Variants in DCLK2 observed in about 807,000 individuals in gnomAD.
The protein encoded by DCLK2 is doublecortin like kinase 2.
Under a neutral mutation model 78.4 loss-of-function variants are expected in DCLK2, and 31 were observed. The observed-to-expected ratio is 0.40, with a 90% confidence interval of 0.30 to 0.53. The LOEUF (loss-of-function observed/expected upper bound fraction) is 0.53. DCLK2 is among the 20% of genes least tolerant of loss of function. The pLI is 0.61. For missense variants in DCLK2, 872 were observed against 973.7 expected (o/e 0.90, Z 1.39); for synonymous variants, 407 against 374.9 (o/e 1.09, Z -0.99).
intron 2 of DCLK2, among the ~76,000 whole-genome samples, chr4:150,191,903 C>T (rs563587800): frequency 9.9e-5 from 15 of 152,242 alleles, no homozygotes; most frequent in Admixed American, 4.6e-4. Context: ...AATAGTGATT[C>T]GGAAAACTTA....
chr4:150,151,469 C>T (rs1734891655), intron 2 of DCLK2, among the ~76,000 whole-genome samples: 1 of 152,190 alleles, frequency 6.6e-6, no homozygotes, highest in Non-Finnish European at 1.5e-5. Flanking sequence ...TGGCATTTCT[C>T]TGAAGATAAG....
intron 8 of DCLK2, among the ~76,000 whole-genome samples, chr4:150,227,516 A>G (rs1741708397): frequency 6.6e-6 from 1 of 152,184 alleles, no homozygotes; most frequent in Non-Finnish European, 1.5e-5. Flanking sequence ...GTAGGCAGCA[A>G]TCAAAGAGCG....
At chr4:150,193,937 A>G (rs1229416551) in intron 3 of DCLK2, among the ~76,000 whole-genome samples, 1 of 151,642 alleles carries the variant, frequency 6.6e-6, no homozygotes, top group South Asian at 2.1e-4. Flanking sequence ...TTTTTTGTAG[A>G]GACAGGGTCT....
Position 150,079,018 on chromosome 4 carries a change from A to G in DCLK2, c.-10A>G. On this transcript the variant is annotated 5_prime_UTR_variant, in exon 1 of 16. Transcript: ENST00000296550. Reference sequence around the variant, plus strand: ...AACGTCTTTTTGCGGACGCCCTCGGAGCAGCCGCGATGGCCAGCACCAGGA... The same window carrying G: ...AACGTCTTTTTGCGGACGCCCTCGGGGCAGCCGCGATGGCCAGCACCAGGA... The G allele has an allele frequency of 6.6e-7, 1 of 1,524,114 alleles. No homozygotes were observed. Among genetic ancestry groups the G allele is most frequent in the Non-Finnish European group, 8.8e-7 (1 of 1,140,524 alleles). The allele number at this position is 1,524,114 out of a possible 1,614,324, so 94.4% of individuals were successfully genotyped here.
At chr4:150,224,421 A>G (rs1741439504) in intron 7 of DCLK2, 80 bp from the exon 8 acceptor site, 4 of 1,351,196 alleles carry the variant, frequency 3.0e-6, no homozygotes, top group South Asian at 2.8e-5. Context: ...AAAAAAAATT[A>G]AAGTATAAAA....
At chr4:150,141,577 C>T (rs528265626) in intron 2 of DCLK2, among the ~76,000 whole-genome samples, 23 of 152,198 alleles carry the variant, frequency 1.5e-4, no homozygotes, top group Middle Eastern at 3.4e-3. Context: ...TCTACAAGAC[C>T]AGGGTTCTGG....
At chr4:150,111,627 C>A (rs1373396129) in intron 2 of DCLK2, among the ~76,000 whole-genome samples, 2 of 152,084 alleles carry the variant, frequency 1.3e-5, no homozygotes, top group Non-Finnish European at 2.9e-5. Context: ...AGATTTAAGT[C>A]TTTGATCCAT....
At chr4:150,127,983 C>G (rs1733036126) in intron 2 of DCLK2, among the ~76,000 whole-genome samples, 1 of 152,174 alleles carries the variant, frequency 6.6e-6, no homozygotes. Context: ...GAACTTGGCT[C>G]AGAAGGAGCT....
At position 150,256,029 on chromosome 4, in the gene DCLK2, C is replaced by G; in HGVS notation, c.2083C>G (p.Leu695Val). 3.1e-6 allele frequency: 5 copies of G among 1,612,910 alleles called. No individual in the cohort carries two copies. Among genetic ancestry groups the G allele is most frequent in the Non-Finnish European group, 4.2e-6 (5 of 1,179,848 alleles). ...GCTGTTTCCTCCTCAGAACACGGCT[C>G]TAGATAAGGAGGGGCAGATTTTCTG... ...TGVSVIMNTALDKEGQIFCSK... is the reference protein window; with the variant it reads ...TGVSVIMNTAVDKEGQIFCSK... Residue 695 changes from leucine to valine, a missense_variant, in exon 16 of 16, where the codon CTA becomes GTA. By Grantham distance (32) the Leu-to-Val change is conservative. This residue lies in a region of DCLK2 where 219 missense variants were observed against 230.1 expected (regional missense o/e 0.95). Transcript: ENST00000296550.
chr4:150,168,938 A>G (rs1245467829), intron 2 of DCLK2, among the ~76,000 whole-genome samples: 1 of 152,132 alleles, frequency 6.6e-6, no homozygotes, highest in African/African-American at 2.4e-5. Flanking sequence ...CTGGAGATGC[A>G]GTGTTTAATA....
intron 15 of DCLK2, chr4:150,253,502 A>C: frequency 7.8e-7 from 1 of 1,289,668 alleles, no homozygotes; most frequent in African/African-American, 1.5e-5. Flanking sequence ...GAGGCACCTC[A>C]GAGTTTCCTT....
chr4:150,114,554 A>G (rs1731934356), intron 2 of DCLK2, among the ~76,000 whole-genome samples: 1 of 152,046 alleles, frequency 6.6e-6, no homozygotes, highest in Non-Finnish European at 1.5e-5. Flanking sequence ...CCTTTGTTTC[A>G]AGATTTAGAA....
At chr4:150,249,850 C>G (rs1030898195) in intron 15 of DCLK2, among the ~76,000 whole-genome samples, 166 bp downstream of exon 15, 1 of 152,190 alleles carries the variant, frequency 6.6e-6, no homozygotes, top group Non-Finnish European at 1.5e-5. Context: ...AACTCCCAGG[C>G]TTTGGGCACT....
chr4:150,255,336 G>A (rs953142193), intron 15 of DCLK2, among the ~76,000 whole-genome samples: 6 of 152,168 alleles, frequency 3.9e-5, no homozygotes, highest in Non-Finnish European at 5.9e-5. Context: ...AAGCAGGACC[G>A]GGGTCCCTTC....
intron 5 of DCLK2, among the ~76,000 whole-genome samples, chr4:150,217,987 T>C (rs1426879778): frequency 1.3e-5 from 2 of 152,240 alleles, no homozygotes; most frequent in Non-Finnish European, 2.9e-5. Context: ...GGAGGCTTTG[T>C]TAGGTACACT....
intron 1 of DCLK2, among the ~76,000 whole-genome samples, chr4:150,081,162 G>A (rs1305392302): frequency 1.3e-5 from 2 of 152,150 alleles, no homozygotes; most frequent in African/African-American, 4.8e-5. Context: ...TCCTGGTATG[G>A]TTTCTTAAGA....
At chr4:150,110,520 GT>G (rs1731601355) in intron 2 of DCLK2, among the ~76,000 whole-genome samples, 2 of 151,896 alleles carry the variant, frequency 1.3e-5, no homozygotes, top group South Asian at 4.2e-4. Context: ...GGACACAGTG[GT>G]TTTTGGTTAC....
chr4:150,248,513 C>T, intron 14 of DCLK2, 128 bp downstream of exon 14: 1 of 763,786 alleles, frequency 1.3e-6, no homozygotes, highest in Non-Finnish European at 2.2e-6. Flanking sequence ...CTGTCTGTCC[C>T]ATTGAGCAAG....
chr4:150,234,172 G>A (rs1199258662), intron 10 of DCLK2, among the ~76,000 whole-genome samples: 2 of 152,132 alleles, frequency 1.3e-5, no homozygotes, highest in Non-Finnish European at 2.9e-5. Context: ...TTCCAGCATT[G>A]TGGTAAACCA....
Sources: gnomAD v4.1 joint callset for allele counts (sites outside exome capture counted in the v4.1 genomes callset) on GRCh38, gnomAD v4.1.1 for gene constraint, gnomAD v4.1.1 regional missense constraint, MANE v1.5 for transcripts, NCBI Gene and HGNC (gene_info 2026-07-23, HGNC 2026-07-21) for gene names.